PHACTR1: variants seen among roughly 807,000 people sequenced by gnomAD.
PHACTR1 encodes the protein RPEL repeat containing 1.
A neutral mutation model predicts 69.2 loss-of-function variants in PHACTR1; 16 were observed. That is an observed-to-expected ratio of 0.23 (90% CI 0.16 to 0.35). The LOEUF (loss-of-function observed/expected upper bound fraction) is 0.35, where lower values mean the gene tolerates loss of function less well. Ranked by LOEUF, PHACTR1 falls within the 10% of genes least tolerant of loss-of-function variation. The pLI, the probability that PHACTR1 is intolerant of heterozygous loss-of-function variation, is 1.00. For synonymous variants in PHACTR1, 312 were observed against 284.5 expected (o/e 1.10, Z -0.97); for missense variants, 510 against 734.7 (o/e 0.69, Z 3.54).
At chr6:13,042,217 G>A (rs1804299034) in intron 4 of PHACTR1, among the ~76,000 whole-genome samples, 1 of 152,180 alleles carries the variant, frequency 6.6e-6, no homozygotes, top group African/African-American at 2.4e-5. Context: ...GGGGTGTTGT[G>A]AAGATCTAAT....
chr6:13,069,254 C>T (rs921691999), intron 5 of PHACTR1, among the ~76,000 whole-genome samples: 11 of 152,280 alleles, frequency 7.2e-5, no homozygotes, highest in African/African-American at 2.4e-4. Flanking sequence ...TCCCAGTCCT[C>T]GCACTGTTTC....
rs1165516646 is a variant in PHACTR1, at chr6:13,102,425, C to A, written c.415+48896C>A. Among the ~76,000 whole-genome samples the A allele has an allele frequency of 3.9e-5, 6 of 152,050 alleles. No individual in the cohort carries two copies. The South Asian group carries it at 6.2e-4, about 16-fold the overall frequency. On this transcript the variant is annotated intron_variant, in intron 5 of 14. Coordinates refer to ENST00000332995, the MANE Select transcript of PHACTR1 (RefSeq NM_030948.6). ...GGAATATTTTCTTACTCTCAAGGAACCAAAAACACAGTGAATAAAAATTGT... is the reference window on the plus strand; with the variant it reads ...GGAATATTTTCTTACTCTCAAGGAAACAAAAACACAGTGAATAAAAATTGT...
At chr6:12,782,870 A>T (rs1286916042) in intron 4 of PHACTR1, among the ~76,000 whole-genome samples, 1 of 152,218 alleles carries the variant, frequency 6.6e-6, no homozygotes, top group African/African-American at 2.4e-5. Context: ...CTATCCTGTT[A>T]TGAAATATAT....
At chr6:12,856,312 G>A (rs1780360618) in intron 4 of PHACTR1, among the ~76,000 whole-genome samples, 1 of 143,770 alleles carries the variant, frequency 7.0e-6, no homozygotes, top group South Asian at 2.2e-4. Flanking sequence ...GGAGTGCAGT[G>A]GCGCGATCTC....
intron 4 of PHACTR1, among the ~76,000 whole-genome samples, chr6:12,862,109 C>A (rs1781001080): frequency 6.6e-6 from 1 of 152,010 alleles, no homozygotes; most frequent in Non-Finnish European, 1.5e-5. Context: ...AAGAGAGACC[C>A]AACATGAATT....
At chr6:13,171,758 C>T (rs1415680095) in intron 6 of PHACTR1, among the ~76,000 whole-genome samples, 3 of 152,114 alleles carry the variant, frequency 2.0e-5, no homozygotes, top group South Asian at 2.1e-4. Flanking sequence ...AACTTCCCTC[C>T]CCCAGCTCTA....
chr6:13,218,814 G>A (rs1226577873), intron 8 of PHACTR1, among the ~76,000 whole-genome samples: 3 of 146,014 alleles, frequency 2.1e-5, no homozygotes, highest in African/African-American at 5.2e-5. Context: ...GAAGAAGAAG[G>A]AGGAGGAGGA....
At chr6:13,143,728 A>G (rs545782351) in intron 5 of PHACTR1, among the ~76,000 whole-genome samples, 1 of 152,238 alleles carries the variant, frequency 6.6e-6, no homozygotes, top group East Asian at 1.9e-4. Flanking sequence ...CATAAATTGG[A>G]TTCCATAACA....
At chr6:12,946,148 A>G (rs1790647858) in intron 4 of PHACTR1, among the ~76,000 whole-genome samples, 1 of 151,840 alleles carries the variant, frequency 6.6e-6, no homozygotes, top group African/African-American at 2.4e-5. Context: ...ACAAAAGATA[A>G]AGAATAAAGA....
chr6:13,271,713 A>G (rs1777776128), intron 10 of PHACTR1, among the ~76,000 whole-genome samples: 1 of 150,838 alleles, frequency 6.6e-6, no homozygotes, highest in Non-Finnish European at 1.5e-5. Flanking sequence ...TTTTTTTAAT[A>G]TTTTCCGTCA....
intron 4 of PHACTR1, among the ~76,000 whole-genome samples, chr6:12,767,706 G>C (rs1017209422): frequency 6.6e-6 from 1 of 152,160 alleles, no homozygotes; most frequent in South Asian, 2.1e-4. Context: ...TGCCCTCTTG[G>C]TGTGTTTTAA....
intron 4 of PHACTR1, among the ~76,000 whole-genome samples, chr6:12,903,042 C>T (rs775610009): frequency 2.0e-5 from 3 of 152,124 alleles, no homozygotes; most frequent in African/African-American, 7.2e-5. Context: ...GAGAAGCAAA[C>T]GTCTTCATGA....
intron 4 of PHACTR1, among the ~76,000 whole-genome samples, chr6:12,937,059 A>C (rs1789537396): frequency 6.6e-6 from 1 of 152,124 alleles, no homozygotes; most frequent in Non-Finnish European, 1.5e-5. Context: ...ATTTTCTCAA[A>C]TATCTTATTC....
At chr6:12,845,192 A>G (rs890766236) in intron 4 of PHACTR1, among the ~76,000 whole-genome samples, 3 of 152,206 alleles carry the variant, frequency 2.0e-5, no homozygotes, top group Non-Finnish European at 4.4e-5. Flanking sequence ...CTGCTTATAC[A>G]TCAATGCATG....
At chr6:12,975,356 G>T (rs1211994154) in intron 4 of PHACTR1, among the ~76,000 whole-genome samples, 1 of 152,164 alleles carries the variant, frequency 6.6e-6, no homozygotes, top group Non-Finnish European at 1.5e-5. Flanking sequence ...AGTGGAAAGG[G>T]TGATATGTTA....
At position 13,025,238 on chromosome 6, in the gene PHACTR1, G is replaced by C. The variant is rs144125485; in HGVS notation, c.251-28127G>C. ...CCACTACACTCTAGCCTGGGTGACA[G>C]AGCAACACTCCGTCTCAAAAACAAA... On this transcript the variant is annotated intron_variant, in intron 4 of 14. Transcript: ENST00000332995. Among the ~76,000 whole-genome samples, 275 of 152,248 alleles carry C rather than the reference G, an allele frequency of 1.8e-3. 2 individuals carry two copies. Among genetic ancestry groups the C allele is most frequent in the African/African-American group, 6.4e-3 (266 of 41,540 alleles).
chr6:12,914,054 C>T (rs758364934), intron 4 of PHACTR1, among the ~76,000 whole-genome samples: 8 of 152,110 alleles, frequency 5.3e-5, no homozygotes, highest in African/African-American at 1.4e-4. Flanking sequence ...CTGCTACCTC[C>T]GCCTCCCAGA....
intron 5 of PHACTR1, among the ~76,000 whole-genome samples, chr6:13,157,470 C>T (rs962985061): frequency 2.6e-5 from 4 of 152,236 alleles, no homozygotes; most frequent in African/African-American, 7.2e-5. Flanking sequence ...CAGCCCCAGC[C>T]GGTGCCTTTG....
chr6:13,083,807 CTT>C (rs1811810144), intron 5 of PHACTR1, among the ~76,000 whole-genome samples: 1 of 152,086 alleles, frequency 6.6e-6, no homozygotes, highest in African/African-American at 2.4e-5. Flanking sequence ...TATCCTGAGA[CTT>C]TGCTGAAGTT....
Sources: allele counts gnomAD v4.1 joint callset (sites outside exome capture counted in the v4.1 genomes callset), GRCh38; gene constraint gnomAD v4.1.1; transcripts MANE v1.5; gene names NCBI Gene and HGNC (gene_info 2026-07-23, HGNC 2026-07-21).